MACROD2: variants seen among roughly 807,000 people sequenced by gnomAD.
MACROD2 encodes ADP-ribose glycohydrolase MACROD2.
Under a neutral mutation model 70.4 loss-of-function variants are expected in MACROD2, and 36 were observed. The observed-to-expected ratio is 0.51, with a 90% CI of 0.39 to 0.68. The LOEUF (loss-of-function observed/expected upper bound fraction) is 0.68, where lower values mean the gene tolerates loss of function less well. Among genes scored for constraint, MACROD2 ranks in the 30% least tolerant of loss-of-function variants. MACROD2 has a pLI of 0.00. For synonymous variants in MACROD2, 172 were observed against 178.8 expected (o/e 0.96, Z 0.30); for missense variants, 496 against 538.4 (o/e 0.92, Z 0.78).
At chr20:15,444,401 G>A (rs144345493) in intron 7 of MACROD2, among the ~76,000 whole-genome samples, 216 of 152,256 alleles carry the variant, frequency 1.4e-3, no homozygotes, top group Non-Finnish European at 2.3e-3. Context: ...CACTATAAAT[G>A]TAAAACAGTG....
At position 14,083,323 on chromosome 20, in the gene MACROD2, T is replaced by G. The variant is rs539374080; in HGVS notation, c.164-2298T>G. 4.0e-5 allele frequency among the ~76,000 whole-genome samples: 6 copies of G among 151,770 alleles called. No homozygotes were observed. The East Asian group carries it at 1.2e-3, about 29-fold the overall frequency. On this transcript the variant is annotated intron_variant, in intron 2 of 17. Transcript: ENST00000684519. Reference sequence around the variant, plus strand: ...CTGTAATCCCAGCTACTTGGGAGGCTGAGGCATGAGAATCGCTTGAACCTG... The same window carrying G: ...CTGTAATCCCAGCTACTTGGGAGGCGGAGGCATGAGAATCGCTTGAACCTG...
intron 2 of MACROD2, among the ~76,000 whole-genome samples, chr20:14,056,501 T>C (rs1438484917): frequency 6.6e-6 from 1 of 152,064 alleles, no homozygotes. Context: ...GCTTCTAAAT[T>C]ACAGATTTGA....
intron 7 of MACROD2, among the ~76,000 whole-genome samples, chr20:15,471,814 C>T (rs780942748): frequency 6.6e-6 from 1 of 152,074 alleles, no homozygotes; most frequent in Non-Finnish European, 1.5e-5. Context: ...AACTCTTCTA[C>T]CTCTTTCTCC....
At chr20:14,322,106 G>A (rs527771759) in intron 3 of MACROD2, among the ~76,000 whole-genome samples, 128 of 142,678 alleles carry the variant, frequency 9.0e-4, no homozygotes, top group African/African-American at 3.1e-3. Flanking sequence ...AGTTTGGGAT[G>A]CATGGAAATG....
intron 3 of MACROD2, among the ~76,000 whole-genome samples, chr20:14,434,359 C>T (rs1451092848): frequency 1.3e-5 from 2 of 152,136 alleles, no homozygotes; most frequent in Admixed American, 1.3e-4. Flanking sequence ...CATTTTTAAA[C>T]TCGGTTTAGA....
intron 3 of MACROD2, among the ~76,000 whole-genome samples, chr20:14,468,600 C>T (rs1250247389): frequency 6.6e-6 from 1 of 151,868 alleles, no homozygotes; most frequent in Non-Finnish European, 1.5e-5. Context: ...GCAACCTCCG[C>T]CTCCCGGGTT....
chr20:16,025,389 G>A (rs2067063602), intron 15 of MACROD2, among the ~76,000 whole-genome samples: 1 of 152,198 alleles, frequency 6.6e-6, no homozygotes, highest in Admixed American at 6.5e-5. Flanking sequence ...TCAACATTCT[G>A]AAAAAAGCAA....
intron 4 of MACROD2, among the ~76,000 whole-genome samples, chr20:14,633,047 C>G (rs943853687): frequency 6.6e-6 from 1 of 152,210 alleles, no homozygotes; most frequent in Non-Finnish European, 1.5e-5. Flanking sequence ...TGTGGGGGAG[C>G]TCTGCTGCGT....
chr20:15,211,262 C>T (rs1010346273), intron 5 of MACROD2, among the ~76,000 whole-genome samples: 25 of 152,212 alleles, frequency 1.6e-4, no homozygotes, highest in Non-Finnish European at 1.5e-4. Context: ...CATATTGTAG[C>T]ATTTATCAGT....
chr20:14,967,738 A>G (rs1161105447), intron 5 of MACROD2, among the ~76,000 whole-genome samples: 2 of 152,104 alleles, frequency 1.3e-5, no homozygotes, highest in African/African-American at 2.4e-5. Context: ...TTTGAGTTCT[A>G]TGTGAGAAGT....
chr20:14,930,240 C>G lies in MACROD2; in HGVS notation c.418+245281C>G, dbSNP rs545230495. On this transcript the variant is annotated intron_variant, in intron 5 of 17. Coordinates refer to ENST00000684519, the MANE Select transcript of MACROD2 (RefSeq NM_001351661.2). The stretch of plus-strand genomic sequence containing the variant: ...CCAAATGTATATTGGTATTAAGTCA[C>G]AATCAATACGTACTTTTTAAAAATG... 3.9e-4 allele frequency among the ~76,000 whole-genome samples: 59 copies of G among 151,296 alleles called. 1 individual carries two copies. The South Asian group carries it at 0.012, about 31-fold the overall frequency.
chr20:14,217,920 C>T (rs748761037), intron 3 of MACROD2, among the ~76,000 whole-genome samples: 2 of 151,762 alleles, frequency 1.3e-5, no homozygotes, highest in Non-Finnish European at 2.9e-5. Context: ...TTAATCTTGC[C>T]TTTTATGGCC....
chr20:14,442,143 A>C (rs767567487), intron 3 of MACROD2, among the ~76,000 whole-genome samples: 12 of 151,924 alleles, frequency 7.9e-5, no homozygotes, highest in Non-Finnish European at 1.3e-4. Context: ...GGTGGTGCTC[A>C]CCTGTAATCC....
intron 15 of MACROD2, among the ~76,000 whole-genome samples, chr20:16,025,626 G>C (rs973084645): frequency 6.6e-6 from 1 of 152,134 alleles, no homozygotes; most frequent in Non-Finnish European, 1.5e-5. Flanking sequence ...GGCGGGTTGG[G>C]GGACATCATC....
chr20:15,890,269 G>A (rs1197103205), intron 10 of MACROD2, among the ~76,000 whole-genome samples: 1 of 152,122 alleles, frequency 6.6e-6, no homozygotes, highest in Non-Finnish European at 1.5e-5. Flanking sequence ...TTCCCATTCT[G>A]GTGGAAAATG....
chr20:14,641,964 T>A (rs988537167), intron 4 of MACROD2, among the ~76,000 whole-genome samples: 1 of 152,206 alleles, frequency 6.6e-6, no homozygotes, highest in Non-Finnish European at 1.5e-5. Flanking sequence ...AGCCAGGCAT[T>A]GACTTCTTCC....
chr20:14,857,966 G>A (rs796743093), intron 5 of MACROD2, among the ~76,000 whole-genome samples: 5 of 151,862 alleles, frequency 3.3e-5, no homozygotes, highest in South Asian at 4.2e-4. Context: ...GATTACAGGC[G>A]CCTGCCACCA....
intron 8 of MACROD2, among the ~76,000 whole-genome samples, chr20:15,630,980 A>G (rs572248292): frequency 6.6e-6 from 1 of 152,316 alleles, no homozygotes; most frequent in East Asian, 1.9e-4. Context: ...TTAACAGATC[A>G]TTGTAGATAT....
intron 4 of MACROD2, among the ~76,000 whole-genome samples, chr20:14,496,087 G>A (rs943475049): frequency 2.0e-5 from 3 of 152,056 alleles, no homozygotes; most frequent in African/African-American, 7.2e-5. Flanking sequence ...ATGATTCTAT[G>A]ACAAATCTTT....
Sources: allele counts gnomAD v4.1 joint callset (sites outside exome capture counted in the v4.1 genomes callset), GRCh38; gene constraint gnomAD v4.1.1; transcripts MANE v1.5; gene names NCBI Gene and HGNC (gene_info 2026-07-23, HGNC 2026-07-21).